Variants in TSBP1 observed in about 807,000 individuals in gnomAD.
TSBP1 encodes testis-expressed basic protein 1.
TSBP1 carries 56 observed loss-of-function variants against 68.8 expected under a neutral mutation model. That is an observed-to-expected ratio of 0.81 (90% CI 0.66 to 1.02). The LOEUF (loss-of-function observed/expected upper bound fraction) is 1.02, where lower values mean the gene tolerates loss of function less well. TSBP1 is among the 50% of genes least tolerant of loss of function. The pLI, the probability that TSBP1 is intolerant of heterozygous loss-of-function variation, is 0.00. For synonymous variants in TSBP1, 171 were observed against 208.7 expected (o/e 0.82, Z 1.56); for missense variants, 502 against 641.2 (o/e 0.78, Z 2.34).
Position 32,321,362 on chromosome 6 carries a change from C to T in TSBP1, c.559+1755G>A, listed in dbSNP as rs1767617005. Among the ~76,000 whole-genome samples, 2 of 152,098 alleles carry T rather than the reference C, an allele frequency of 1.3e-5. No homozygotes were observed. The highest frequency in any genetic ancestry group is 4.1e-4 in the South Asian group (2 of 4,830). On this transcript the variant is annotated intron_variant, in intron 18 of 22. Transcript: ENST00000612031. The surrounding 1 kb of genome is among the most constrained non-coding windows in gnomAD (Gnocchi z 4.3). ...CTTGGATTTTTACATCTTTTTCCTG[C>T]CCATACTCTCTGATGACTTCTCTGA...
At chr6:32,297,218 A>G (rs115187461) in intron 22 of TSBP1, among the ~76,000 whole-genome samples, 7,017 of 152,218 alleles carry the variant, frequency 0.046, 365 homozygotes, top group African/African-American at 0.13. Context: ...CATCTAACAC[A>G]TACAGTGTAA....
In TSBP1 at chr6:32,314,608, A is replaced by T. The variant is rs1325211022; in HGVS notation, c.580+1164T>A. Among the ~76,000 whole-genome samples, 1 of 152,148 alleles carries T rather than the reference A, an allele frequency of 6.6e-6. No homozygotes were observed. The highest frequency in any genetic ancestry group is 2.4e-5 in the African/African-American group (1 of 41,426). The stretch of plus-strand genomic sequence containing the variant: ...ATGTGGATAGGGATTTTGGAGAGAC[A>T]CTCACTTATAATTCTTTGTTGACAG... On this transcript the variant is annotated intron_variant, in intron 19 of 22. Coordinates refer to ENST00000612031, the Ensembl canonical transcript of TSBP1. This position sits in a 1 kb window ranked among gnomAD's most constrained non-coding sequence, Gnocchi z 4.2.
Position 32,343,533 on chromosome 6 carries a change from T to G in TSBP1, c.350-3895A>C, listed in dbSNP as rs1344613110. Among the ~76,000 whole-genome samples, 3 of 152,176 alleles carry G rather than the reference T, an allele frequency of 2.0e-5. No homozygotes were observed. The highest frequency in any genetic ancestry group is 2.9e-5 in the Non-Finnish European group (2 of 68,026). ...ACCTTTCTCCTGTCTTTTCCGTTTC[T>G]CCCTCCCTCTTTCTTTCATCTTTTC... is the stretch of plus-strand genomic sequence containing the variant. On this transcript the variant is annotated intron_variant, in intron 9 of 22. Transcript: ENST00000612031. The surrounding 1 kb of genome is among the most constrained non-coding windows in gnomAD (Gnocchi z 4.3).
At chr6:32,360,560 G>A (rs986808920) in intron 6 of TSBP1, among the ~76,000 whole-genome samples, 2 of 152,060 alleles carry the variant, frequency 1.3e-5, no homozygotes, top group African/African-American at 4.8e-5. Context: ...TTGAATATAT[G>A]CCCAGAAGTA....
chr6:32,344,151 A>T (rs1024671269), intron 9 of TSBP1, among the ~76,000 whole-genome samples: 1 of 151,206 alleles, frequency 6.6e-6, no homozygotes, highest in Non-Finnish European at 1.5e-5. Context: ...ACATGTGCAC[A>T]ATGTGCAGGT....
At chr6:32,295,388 A>T (rs1764609733) in intron 22 of TSBP1, among the ~76,000 whole-genome samples, 1 of 148,306 alleles carries the variant, frequency 6.7e-6, no homozygotes, top group Non-Finnish European at 1.5e-5. Flanking sequence ...TAGGTTTATT[A>T]TTCCTGCTAG....
At chr6:32,355,987 G>A (rs1231529256) in intron 6 of TSBP1, among the ~76,000 whole-genome samples, 2 of 152,220 alleles carry the variant, frequency 1.3e-5, no homozygotes, top group Non-Finnish European at 2.9e-5. Context: ...TCAGCTGACT[G>A]AGAATTCAAG....
chr6:32,300,051 A>ACTTAGAAACAGG, intron 21 of TSBP1, 115 bp from the exon 25 acceptor site: 2 of 831,902 alleles, frequency 2.4e-6, no homozygotes. Flanking sequence ...AGGGAGCACA[A>ACTTAGAAACAGG]AACTCTGTTT....
Position 32,335,972 on chromosome 6 carries a change from A to G in TSBP1, c.431-40T>C, listed in dbSNP as rs117705416. 6.1e-3 allele frequency: 9,565 copies of G among 1,563,172 alleles called. 164 individuals carry two copies. The highest frequency in any genetic ancestry group is 0.017 in the South Asian group (1,569 of 90,084). ...GAGGGAGAAAGAAAAAGATATCAGT[A>G]TGCTTCACCACTGTGAAGGAAATTT... On this transcript the variant is annotated intron_variant, in intron 12 of 22. Coordinates refer to ENST00000612031, the Ensembl canonical transcript of TSBP1. The surrounding 1 kb of genome is among the most constrained non-coding windows in gnomAD (Gnocchi z 5.5).
chr6:32,319,361 G>T (rs536416080), intron 18 of TSBP1, among the ~76,000 whole-genome samples: 18 of 152,146 alleles, frequency 1.2e-4, no homozygotes, highest in African/African-American at 4.1e-4. Context: ...CTCTTAACTG[G>T]TCTTCCTACT....
At chr6:32,367,781 A>AAGAC (rs1773929030) in intron 4 of TSBP1, 144 bp downstream of exon 4, 1 of 517,372 alleles carries the variant, frequency 1.9e-6, no homozygotes, top group Non-Finnish European at 3.3e-6. Context: ...TTTCTTGAGA[A>AAGAC]AGAGAGGAGT....
intron 22 of TSBP1, 83 bp from the exon 26 acceptor site, chr6:32,294,118 T>C: frequency 6.4e-7 from 1 of 1,555,520 alleles, no homozygotes; most frequent in Non-Finnish European, 8.7e-7. Flanking sequence ...TACTGGTTCC[T>C]TTTTTGTCTT....
chr6:32,298,416 T>C (rs1268517), intron 22 of TSBP1, among the ~76,000 whole-genome samples: 1 of 152,036 alleles, frequency 6.6e-6, no homozygotes, highest in Non-Finnish European at 1.5e-5. Flanking sequence ...CCTGTCTCTA[T>C]TAAAAATACA....
At chr6:32,347,583 T>C (rs570055919) in intron 9 of TSBP1, among the ~76,000 whole-genome samples, 1 of 152,222 alleles carries the variant, frequency 6.6e-6, no homozygotes, top group Non-Finnish European at 1.5e-5. Context: ...ATGGTCATTC[T>C]CTCCCATTTC....
intron 16 of TSBP1, among the ~76,000 whole-genome samples, chr6:32,326,714 G>A (rs1016587926): frequency 6.6e-6 from 1 of 152,228 alleles, no homozygotes; most frequent in Non-Finnish European, 1.5e-5. Context: ...TGCTGAAAGA[G>A]GAGCTAGTTT....
At chr6:32,298,062 CTT>C (rs767203179) in intron 22 of TSBP1, among the ~76,000 whole-genome samples, 22 of 152,106 alleles carry the variant, frequency 1.4e-4, no homozygotes, top group Non-Finnish European at 2.2e-4. Flanking sequence ...TGGGAAGAGA[CTT>C]GGCCTGTGAT....
At chr6:32,344,944 C>T (rs779516488) in intron 9 of TSBP1, among the ~76,000 whole-genome samples, 59 of 152,096 alleles carry the variant, frequency 3.9e-4, no homozygotes, top group Non-Finnish European at 7.4e-4. Context: ...TAACCTCTCA[C>T]TACTGGGCTC....
chr6:32,293,712 C>A (rs747984647), exon 23 of TSBP1: 6 of 1,612,854 alleles, frequency 3.7e-6, no homozygotes, highest in South Asian at 1.1e-5. Context: ...TTTATTTGGG[C>A]TCCCTGTCCT....
At chr6:32,310,761 A>ATTT (rs199706394) in intron 19 of TSBP1, among the ~76,000 whole-genome samples, 10 of 144,834 alleles carry the variant, frequency 6.9e-5, no homozygotes, top group South Asian at 6.6e-4. Context: ...ATATATATAT[A>ATTT]TTTTTAATCT....
Sources: gnomAD v4.1 joint callset for allele counts (sites outside exome capture counted in the v4.1 genomes callset) on GRCh38, gnomAD v4.1.1 for gene constraint, Gnocchi (gnomAD v3.1) non-coding constraint, MANE v1.5 for transcripts, NCBI Gene and HGNC (gene_info 2026-07-23, HGNC 2026-07-21) for gene names.